The following R3HCC1L variants were observed in gnomAD, a reference collection of about 807,000 sequenced individuals.
R3HCC1L encodes the protein coiled-coil domain-containing protein R3HCC1L.
In R3HCC1L, 51 loss-of-function variants were observed where a neutral mutation model predicts 59.9. The observed-to-expected ratio is 0.85, with a 90% confidence interval of 0.68 to 1.07. The LOEUF (loss-of-function observed/expected upper bound fraction) is 1.07, where lower values mean the gene tolerates loss of function less well. Ranked by LOEUF, R3HCC1L falls within the 50% of genes least tolerant of loss-of-function variation. R3HCC1L has a pLI of 0.00. For missense variants in R3HCC1L, 965 were observed against 933.0 expected (o/e 1.03, Z -0.45); for synonymous variants, 322 against 315.2 (o/e 1.02, Z -0.23).
intron 1 of R3HCC1L, among the ~76,000 whole-genome samples, chr10:98,152,596 C>T (rs1384414285): frequency 7.7e-6 from 1 of 129,420 alleles, no homozygotes; most frequent in Non-Finnish European, 1.8e-5. Flanking sequence ...AGCGTCTCTG[C>T]CCAGCCGCCC....
rs79211209 is a variant in R3HCC1L, at chr10:98,207,080, G to A, written c.-14-1021G>A. Among the ~76,000 whole-genome samples, 467 of 152,258 alleles carry A rather than the reference G, an allele frequency of 3.1e-3. 4 individuals are homozygous for A. Among genetic ancestry groups the A allele is most frequent in the African/African-American group, 9.3e-3 (386 of 41,548 alleles). Reference sequence around the variant, plus strand: ...ATCTGGAATAGAGTGGACAGGATGCGTTAGCCTTTTTTCCTCTCTGCCTTC... The same window carrying A: ...ATCTGGAATAGAGTGGACAGGATGCATTAGCCTTTTTTCCTCTCTGCCTTC... On this transcript the variant is annotated intron_variant, in intron 4 of 9. Coordinates refer to ENST00000298999, the MANE Select transcript of R3HCC1L (RefSeq NM_001351015.2).
At chr10:98,189,044 C>A (rs1850545664) in intron 4 of R3HCC1L, among the ~76,000 whole-genome samples, 1 of 152,074 alleles carries the variant, frequency 6.6e-6, no homozygotes, top group Non-Finnish European at 1.5e-5. Flanking sequence ...ATATAAAGTT[C>A]ATGTATTGAA....
intron 5 of R3HCC1L, among the ~76,000 whole-genome samples, chr10:98,225,283 G>T (rs1855544602): frequency 6.6e-6 from 1 of 152,090 alleles, no homozygotes; most frequent in African/African-American, 2.4e-5. Context: ...TGTGTCAGTG[G>T]TCCTACCTCC....
chr10:98,179,033 T>C (rs1049975837), intron 4 of R3HCC1L, among the ~76,000 whole-genome samples: 2 of 152,222 alleles, frequency 1.3e-5, no homozygotes, highest in African/African-American at 2.4e-5. Context: ...CTTCCTCTTT[T>C]CCTAATTGAA....
At position 98,208,324 on chromosome 10, in the gene R3HCC1L, A is replaced by C. The variant is rs758583644; in HGVS notation, c.210A>C (p.Arg70Ser). 1 of 1,614,200 alleles carries C rather than the reference A, an allele frequency of 6.2e-7. No homozygotes were observed. Among genetic ancestry groups the C allele is most frequent in the African/African-American group, 1.3e-5 (1 of 75,060 alleles). ...EVFKDKPEARRLNINPDRKEH... is the reference protein window; with the variant it reads ...EVFKDKPEARSLNINPDRKEH... ...TTAAAGACAAACCGGAGGCTCGAAG[A>C]CTAAATATCAATCCTGATAGAAAGG... Residue 70 changes from arginine to serine, a missense_variant, in exon 5 of 10, where the codon AGA (arginine) becomes AGC (serine). Arg to Ser is a moderately radical substitution (Grantham distance 110, BLOSUM62 -1). Transcript: ENST00000298999.
chr10:98,158,316 A>C (rs1307667044), intron 2 of R3HCC1L, among the ~76,000 whole-genome samples: 1 of 152,198 alleles, frequency 6.6e-6, no homozygotes, highest in Admixed American at 6.5e-5. Flanking sequence ...AGAATCCTAG[A>C]GATTATATTC....
chr10:98,216,350 C>CA (rs1854206427), intron 5 of R3HCC1L, among the ~76,000 whole-genome samples: 1 of 151,970 alleles, frequency 6.6e-6, no homozygotes, highest in South Asian at 2.1e-4. Flanking sequence ...CTCATCTCTA[C>CA]AAAAAATACA....
intron 6 of R3HCC1L, among the ~76,000 whole-genome samples, chr10:98,233,670 T>G (rs1442694803): frequency 1.3e-5 from 2 of 152,234 alleles, no homozygotes; most frequent in Admixed American, 1.3e-4. Context: ...ATAACTGTTA[T>G]GTCATCATCC....
chr10:98,242,659 C>T (rs1306724876), intron 9 of R3HCC1L, among the ~76,000 whole-genome samples: 1 of 152,192 alleles, frequency 6.6e-6, no homozygotes, highest in East Asian at 1.9e-4. Context: ...TCTCATATTA[C>T]TCTTAAAGAT....
intron 6 of R3HCC1L, 51 bp downstream of exon 6, chr10:98,231,738 A>G: frequency 6.8e-7 from 1 of 1,460,148 alleles, no homozygotes; most frequent in Non-Finnish European, 9.2e-7. Flanking sequence ...TGAAGTCTTT[A>G]AAAAATGTTT....
At position 98,176,605 on chromosome 10, in the gene R3HCC1L, G is replaced by C. The variant is rs191070479; in HGVS notation, c.-15+13208G>C. ...TTACTTAGTTCTGGTAGCTTTCTTA[G>C]AGATTCTATGGGATTTCTATGCAGA... is the stretch of plus-strand genomic sequence containing the variant. On this transcript the variant is annotated intron_variant, in intron 4 of 9. Coordinates refer to ENST00000298999, the MANE Select transcript of R3HCC1L (RefSeq NM_001351015.2). Among the ~76,000 whole-genome samples the C allele has an allele frequency of 3.0e-4, 45 of 152,146 alleles. 1 individual carries two copies. The highest frequency in any genetic ancestry group is 2.9e-3 in the Admixed American group (45 of 15,278).
Position 98,209,279 on chromosome 10 carries a change from G to GT in R3HCC1L, c.1166dup (p.Thr390AsnfsTer3). Reference sequence around the variant, plus strand: ...TACAGGTATGTCCTGTAGTGATCATGTAACTGTTGATAGCCCTTATGTAGT... The same window carrying GT: ...TACAGGTATGTCCTGTAGTGATCATGTTAACTGTTGATAGCCCTTATGTAGT... On this transcript the variant is annotated frameshift_variant, in exon 5 of 10. Coordinates refer to ENST00000298999, the MANE Select transcript of R3HCC1L (RefSeq NM_001351015.2). LOFTEE classifies it high-confidence loss of function. 2 of 1,613,936 alleles carry GT rather than the reference G, an allele frequency of 1.2e-6. No individual in the cohort carries two copies. Among genetic ancestry groups the GT allele is most frequent in the Non-Finnish European group, 1.7e-6 (2 of 1,179,906 alleles).
rs895016335 is a variant in R3HCC1L, at chr10:98,163,407, C to T, written c.-15+10C>T. 1 of 1,321,576 alleles carries T rather than the reference C, an allele frequency of 7.6e-7. No homozygotes were observed. The highest frequency in any genetic ancestry group is 1.9e-4 in the Middle Eastern group (1 of 5,170). 81.9% of individuals were successfully genotyped at this position (1,321,576 alleles called of 1,614,324 possible). On this transcript the variant is annotated intron_variant, in intron 4 of 9. Coordinates refer to ENST00000298999, the MANE Select transcript of R3HCC1L (RefSeq NM_001351015.2). Reference sequence around the variant, plus strand: ...AAATGTTACTTACATGGTAAGTTGCCTTTACTTATGCATATTTTATAGAAA... The same window carrying T: ...AAATGTTACTTACATGGTAAGTTGCTTTTACTTATGCATATTTTATAGAAA...
intron 5 of R3HCC1L, among the ~76,000 whole-genome samples, chr10:98,220,569 T>C (rs7077803): frequency 0.92 from 116,377 of 126,554 alleles, 54,334 homozygotes; most frequent in South Asian, 1. Flanking sequence ...TGATATTCCC[T>C]TTCCTGTGTC....
intron 4 of R3HCC1L, among the ~76,000 whole-genome samples, chr10:98,195,495 A>C (rs541867280): frequency 6.6e-6 from 1 of 152,086 alleles, no homozygotes; most frequent in East Asian, 1.9e-4. Flanking sequence ...ATAAGCATAC[A>C]AAACAAAATG....
At chr10:98,186,523 TTAGA>T in intron 4 of R3HCC1L, 4 of 983,374 alleles carry the variant, frequency 4.1e-6, no homozygotes, top group Non-Finnish European at 4.8e-6. Context: ...AGAACTTACA[TTAGA>T]GTGTTCAAGT....
intron 1 of R3HCC1L, among the ~76,000 whole-genome samples, chr10:98,138,453 A>T (rs1844805037): frequency 6.6e-6 from 1 of 152,070 alleles, no homozygotes; most frequent in South Asian, 2.1e-4. Flanking sequence ...GCATTTTGAG[A>T]TCCTCTGAGG....
At chr10:98,159,598 A>G (rs1205900649) in intron 2 of R3HCC1L, among the ~76,000 whole-genome samples, 1 of 152,190 alleles carries the variant, frequency 6.6e-6, no homozygotes, top group Admixed American at 6.5e-5. Flanking sequence ...ATTTCTGCCT[A>G]ATTTTCATAA....
intron 2 of R3HCC1L, among the ~76,000 whole-genome samples, chr10:98,157,351 A>G (rs1846981955): frequency 6.6e-6 from 1 of 152,212 alleles, no homozygotes; most frequent in African/African-American, 2.4e-5. Flanking sequence ...TTTTAGGTTC[A>G]ATATGCTTAC....
Sources: gnomAD v4.1 joint callset for allele counts (sites outside exome capture counted in the v4.1 genomes callset) on GRCh38, gnomAD v4.1.1 for gene constraint, MANE v1.5 for transcripts, NCBI Gene and HGNC (gene_info 2026-07-23, HGNC 2026-07-21) for gene names.